Variants in UNC5D observed in about 807,000 individuals in gnomAD.
The protein encoded by UNC5D is netrin receptor UNC5D.
A neutral mutation model predicts 105.4 loss-of-function variants in UNC5D; 39 were observed. The observed-to-expected ratio is 0.37, with a 90% CI of 0.29 to 0.48. The LOEUF is 0.48. UNC5D is among the 20% of genes least tolerant of loss of function. The probability of loss-of-function intolerance (pLI) is 0.98; values close to 1 mark genes in which losing one functional copy is unlikely to be tolerated. For synonymous variants in UNC5D, 452 were observed against 450.4 expected, an observed-to-expected ratio of 1.00 and a Z score of -0.04; for missense variants, 991 against 1,202.4, an observed-to-expected ratio of 0.82 and a Z score of 2.60.
At chr8:35,315,860 G>C (rs1809262416) in intron 1 of UNC5D, among the ~76,000 whole-genome samples, 1 of 152,138 alleles carries the variant, frequency 6.6e-6, no homozygotes, top group South Asian at 2.1e-4. Context: ...ATTGTGCTCT[G>C]TGGGCTTTTT....
At chr8:35,403,478 A>C (rs1171031477) in intron 1 of UNC5D, among the ~76,000 whole-genome samples, 2 of 152,220 alleles carry the variant, frequency 1.3e-5, no homozygotes, top group Non-Finnish European at 2.9e-5. Flanking sequence ...AAATGGAAGA[A>C]AGTGCAAATA....
At chr8:35,622,163 G>A (rs919725427) in intron 4 of UNC5D, among the ~76,000 whole-genome samples, 14 of 152,248 alleles carry the variant, frequency 9.2e-5, no homozygotes, top group African/African-American at 3.4e-4. Context: ...CCAACATGGT[G>A]AAACCCCATC....
chr8:35,370,979 T>C (rs1330583561), intron 1 of UNC5D, among the ~76,000 whole-genome samples: 1 of 152,200 alleles, frequency 6.6e-6, no homozygotes, highest in Non-Finnish European at 1.5e-5. Context: ...ATCTGAGCAC[T>C]TTGTGGGGCT....
At chr8:35,421,094 A>G (rs1470146424) in intron 1 of UNC5D, among the ~76,000 whole-genome samples, 1 of 152,072 alleles carries the variant, frequency 6.6e-6, no homozygotes, top group East Asian at 1.9e-4. Flanking sequence ...ACAGAGGACT[A>G]CCTCTTCTGT....
intron 4 of UNC5D, among the ~76,000 whole-genome samples, chr8:35,614,766 G>C (rs1211314235): frequency 3.9e-5 from 6 of 152,084 alleles, no homozygotes; most frequent in Admixed American, 2.0e-4. Flanking sequence ...CCTATTAATT[G>C]ACTGACTTTT....
chr8:35,595,720 G>A (rs555371118), intron 4 of UNC5D, 63 bp downstream of exon 4: 10 of 1,466,984 alleles, frequency 6.8e-6, no homozygotes, highest in East Asian at 2.3e-5. Flanking sequence ...GAGGGAGGGC[G>A]GAGTCCTGTG....
intron 3 of UNC5D, among the ~76,000 whole-genome samples, chr8:35,576,518 T>C (rs547788957): frequency 6.6e-6 from 1 of 152,298 alleles, no homozygotes; most frequent in African/African-American, 2.4e-5. Flanking sequence ...TGTACATAAA[T>C]AGGCAAGGAA....
At chr8:35,291,386 A>G (rs977792389) in intron 1 of UNC5D, among the ~76,000 whole-genome samples, 4 of 152,232 alleles carry the variant, frequency 2.6e-5, no homozygotes, top group African/African-American at 9.6e-5. Flanking sequence ...TGTATAAGTC[A>G]ACCAGCAAAC....
intron 1 of UNC5D, among the ~76,000 whole-genome samples, chr8:35,356,617 A>T (rs1471613429): frequency 3.0e-5 from 4 of 133,084 alleles, no homozygotes; most frequent in Non-Finnish European, 6.3e-5. Context: ...CTGTAGCAAC[A>T]TCAACAAAGT....
Position 35,464,283 on chromosome 8 carries a change from C to T in UNC5D, c.104-85009C>T, listed in dbSNP as rs531889900. The stretch of plus-strand genomic sequence containing the variant: ...CGGAGGTTGCTGTGAGCCAAGATTG[C>T]GCAACTGCATTCCAGCCTGGGCGAC... On this transcript the variant is annotated intron_variant, in intron 1 of 16. Transcript: ENST00000404895. Among the ~76,000 whole-genome samples, 6 of 152,110 alleles carry T rather than the reference C, an allele frequency of 3.9e-5. No individual in the cohort carries two copies. The East Asian group carries it at 7.8e-4, about 20-fold the overall frequency.
intron 1 of UNC5D, among the ~76,000 whole-genome samples, chr8:35,359,179 C>G (rs775745161): frequency 1.3e-5 from 2 of 152,220 alleles, no homozygotes; most frequent in Non-Finnish European, 2.9e-5. Context: ...GATTATAAGA[C>G]TCTTCAAGAA....
intron 1 of UNC5D, among the ~76,000 whole-genome samples, chr8:35,429,807 A>G (rs962336730): frequency 1.3e-5 from 2 of 152,150 alleles, no homozygotes; most frequent in African/African-American, 4.8e-5. Flanking sequence ...GCCCATGACG[A>G]CCAATGATCT....
At chr8:35,654,736 C>T (rs907597897) in intron 4 of UNC5D, among the ~76,000 whole-genome samples, 1 of 151,902 alleles carries the variant, frequency 6.6e-6, no homozygotes, top group Non-Finnish European at 1.5e-5. Flanking sequence ...AAATTGTTAG[C>T]TTTTTCTTTC....
At chr8:35,329,268 G>A (rs550115548) in intron 1 of UNC5D, among the ~76,000 whole-genome samples, 4 of 151,868 alleles carry the variant, frequency 2.6e-5, no homozygotes, top group South Asian at 4.2e-4. Context: ...CCATACTATC[G>A]TCTCCAGAGT....
intron 4 of UNC5D, among the ~76,000 whole-genome samples, chr8:35,606,168 A>G (rs920470453): frequency 1.3e-5 from 2 of 151,792 alleles, no homozygotes; most frequent in African/African-American, 4.8e-5. Context: ...TTGTATTTTT[A>G]GTAGAGATGG....
intron 1 of UNC5D, among the ~76,000 whole-genome samples, chr8:35,382,071 A>G (rs1312083657): frequency 6.6e-6 from 1 of 152,212 alleles, no homozygotes; most frequent in Non-Finnish European, 1.5e-5. Context: ...ATAACTTTGT[A>G]ATTATGGATT....
At chr8:35,241,406 TGTAA>T (rs1802798205) in intron 1 of UNC5D, among the ~76,000 whole-genome samples, 1 of 152,172 alleles carries the variant, frequency 6.6e-6, no homozygotes, top group South Asian at 2.1e-4. Context: ...GTTTTCGCTG[TGTAA>T]GTATTTTGTG....
chr8:35,770,088 A>G (rs888952526), intron 15 of UNC5D, among the ~76,000 whole-genome samples: 3 of 152,214 alleles, frequency 2.0e-5, no homozygotes, highest in African/African-American at 4.8e-5. Flanking sequence ...GATACATTCT[A>G]GACCCAGGTC....
chr8:35,686,705 C>T lies in UNC5D; in HGVS notation c.1080C>T (p.Ile360=), dbSNP rs1454194347. The change falls in exon 7 of 17, where the codon ATC becomes ATT. Residue 360 remains isoleucine, a synonymous_variant. Coordinates refer to ENST00000404895, the MANE Select transcript of UNC5D (RefSeq NM_080872.4). ...AAAACTGCACAGATGGTCTTTGCAT[C>T]CTAGGTAACACTTTTGCTTTAACAT... The part of the protein sequence containing the change: ...ESENCTDGLC[I]LDKKPLHEIK... 1.9e-6 allele frequency: 3 copies of T among 1,586,916 alleles called. No homozygotes were observed. Among genetic ancestry groups the T allele is most frequent in the African/African-American group, 2.7e-5 (2 of 73,186 alleles).
Sources: allele counts gnomAD v4.1 joint callset (sites outside exome capture counted in the v4.1 genomes callset), GRCh38; gene constraint gnomAD v4.1.1; transcripts MANE v1.5; gene names NCBI Gene and HGNC (gene_info 2026-07-23, HGNC 2026-07-21).